The following MAST2 variants were observed in gnomAD, a reference collection of about 807,000 sequenced individuals.
The protein encoded by MAST2 is microtubule associated serine/threonine kinase 2, also known as microtubule-associated serine/threonine-protein kinase 2.
A neutral mutation model predicts 147.4 loss-of-function variants in MAST2; 70 were observed. The ratio of observed to expected loss-of-function variants is 0.47; its 90% CI spans 0.39 to 0.58. The LOEUF (loss-of-function observed/expected upper bound fraction) is 0.58, where lower values mean the gene tolerates loss of function less well. Among genes scored for constraint, MAST2 ranks in the 20% least tolerant of loss-of-function variants. MAST2 has a pLI of 0.00. For missense variants in MAST2, 2,080 were observed against 2,302.3 expected, an observed-to-expected ratio of 0.90 and a Z score of 1.98; for synonymous variants, 869 against 896.8, an observed-to-expected ratio of 0.97 and a Z score of 0.55.
rs1037477430 is a variant in MAST2 at position 46,016,856 on chromosome 1, C to T, written c.1189-2740C>T. On this transcript the variant is annotated intron_variant, in intron 10 of 28. Coordinates refer to ENST00000361297, the MANE Select transcript of MAST2 (RefSeq NM_015112.3). ...GTTCATATGGAACCAAAAAAGAGCC[C>T]GCATCGCCAAGTCAATCCTAAGCCA... 2.9e-3 allele frequency among the ~76,000 whole-genome samples: 435 copies of T among 152,150 alleles called. 1 individual carries two copies. The highest frequency in any genetic ancestry group is 4.5e-3 in the Admixed American group (69 of 15,282).
intron 3 of MAST2, among the ~76,000 whole-genome samples, chr1:45,837,252 G>T (rs144534891): frequency 6.6e-6 from 1 of 152,176 alleles, no homozygotes; most frequent in Non-Finnish European, 1.5e-5. Context: ...CCCCAAGTTC[G>T]CTTGTGTCCC....
At chr1:45,869,896 C>T (rs1354235323) in intron 3 of MAST2, among the ~76,000 whole-genome samples, 1 of 148,482 alleles carries the variant, frequency 6.7e-6, no homozygotes, top group Admixed American at 6.8e-5. Flanking sequence ...TTGAAGATCT[C>T]TGTTCCTGTG....
Position 46,035,382 on chromosome 1 carries a change from C to G in MAST2, c.4713C>G (p.Pro1571=), listed in dbSNP as rs55644621. ...TGACAGGGATCACACTGGGGCCTCC[C>G]AGAATGGAAAGTCCCAGTGGTCCCC... ...SLLTGITLGP[P]RMESPSGPHR... The change falls in exon 29 of 29, where the codon CCC becomes CCG. Residue 1571 remains proline (P), a synonymous_variant. Coordinates refer to ENST00000361297, the MANE Select transcript of MAST2 (RefSeq NM_015112.3). This position sits in a 1 kb window ranked among gnomAD's most constrained non-coding sequence, Gnocchi z 5.5. 675 of 1,612,710 alleles carry G rather than the reference C, an allele frequency of 4.2e-4. 6 individuals are homozygous for G. The East Asian group carries it at 0.011, about 26-fold the overall frequency.
intron 26 of MAST2, among the ~76,000 whole-genome samples, chr1:46,032,974 TACAAA>T (rs1557519565): frequency 2.8e-5 from 1 of 35,858 alleles, no homozygotes; most frequent in South Asian, 7.2e-4. Flanking sequence ...CTACTAAAAA[TACAAA>T]AAAAAAAAAA....
intron 5 of MAST2, among the ~76,000 whole-genome samples, chr1:45,960,809 C>G (rs774815711): frequency 2.6e-5 from 4 of 152,204 alleles, no homozygotes; most frequent in Non-Finnish European, 4.4e-5. Context: ...GCCATGGTCA[C>G]TGTTGTCCTA....
At chr1:45,940,165 G>T (rs1262246645) in intron 4 of MAST2, among the ~76,000 whole-genome samples, 1 of 151,102 alleles carries the variant, frequency 6.6e-6, no homozygotes, top group African/African-American at 2.4e-5. Flanking sequence ...GCTAATTTTT[G>T]TATTTTTAGT....
intron 2 of MAST2, among the ~76,000 whole-genome samples, chr1:45,828,604 G>A (rs962323277): frequency 6.6e-6 from 1 of 152,200 alleles, no homozygotes; most frequent in Admixed American, 6.5e-5. Context: ...AAGAAGGGGA[G>A]AAATGAGACC....
chr1:45,908,630 G>A (rs1031776200), intron 4 of MAST2, among the ~76,000 whole-genome samples: 5 of 152,018 alleles, frequency 3.3e-5, no homozygotes, highest in African/African-American at 1.2e-4. Flanking sequence ...TTCTGTTGTG[G>A]TTAGACAGCA....
chr1:45,996,074 G>GT (rs752972346), intron 5 of MAST2, among the ~76,000 whole-genome samples: 3 of 150,116 alleles, frequency 2.0e-5, no homozygotes, highest in Non-Finnish European at 3.0e-5. Context: ...TGTTTATTTA[G>GT]TTTTTTTGCT....
intron 4 of MAST2, among the ~76,000 whole-genome samples, chr1:45,929,747 T>G (rs2148702792): frequency 6.6e-6 from 1 of 152,290 alleles, no homozygotes; most frequent in East Asian, 1.9e-4. Context: ...CACAGAAGAA[T>G]TAATTTTCAT....
intron 16 of MAST2, among the ~76,000 whole-genome samples, chr1:46,026,813 A>C (rs1325404122): frequency 6.6e-6 from 1 of 152,176 alleles, no homozygotes; most frequent in Non-Finnish European, 1.5e-5. Context: ...TGGCTTTGAC[A>C]TAAGACAGAC....
chr1:45,890,121 G>C (rs1647498296), intron 4 of MAST2, among the ~76,000 whole-genome samples: 1 of 152,096 alleles, frequency 6.6e-6, no homozygotes, highest in African/African-American at 2.4e-5. Context: ...ACTTCCTTAT[G>C]AAAGGCGTTC....
chr1:45,900,195 A>AAAAAAAAAAAAAAAAAAAAAATT (rs1553226994), intron 4 of MAST2, among the ~76,000 whole-genome samples: 2 of 93,188 alleles, frequency 2.1e-5, no homozygotes, highest in African/African-American at 9.2e-5. Context: ...AAAAAAAAAA[A>AAAAAAAAAAAAAAAAAAAAAATT]GATTTACCCT....
intron 3 of MAST2, among the ~76,000 whole-genome samples, chr1:45,838,022 A>G (rs918022179): frequency 2.0e-5 from 3 of 151,568 alleles, no homozygotes; most frequent in Non-Finnish European, 3.0e-5. Flanking sequence ...CAGGGGATCC[A>G]CCCGCCTCAG....
chr1:45,925,922 G>A (rs370442119), intron 4 of MAST2, among the ~76,000 whole-genome samples: 3 of 152,298 alleles, frequency 2.0e-5, no homozygotes, highest in East Asian at 1.9e-4. Context: ...GTAGACTTGC[G>A]TGGCAAATGG....
At chr1:45,885,929 G>A (rs1170231527) in intron 4 of MAST2, among the ~76,000 whole-genome samples, 2 of 152,120 alleles carry the variant, frequency 1.3e-5, no homozygotes, top group East Asian at 1.9e-4. Context: ...AGGAGGATGT[G>A]TGTTTCTGTG....
At chr1:46,011,190 AC>A (rs1251152347) in intron 10 of MAST2, 12 of 500,486 alleles carry the variant, frequency 2.4e-5, no homozygotes, top group African/African-American at 9.6e-5. Context: ...TTGTTGTATT[AC>A]GCGAAGCTCC....
In MAST2 at chr1:46,027,297, G is replaced by A. The variant is rs529599699; in HGVS notation, c.1920-434G>A. 7.9e-5 allele frequency among the ~76,000 whole-genome samples: 12 copies of A among 152,284 alleles called. No individual in the cohort carries two copies. The South Asian group carries it at 2.3e-3, about 29-fold the overall frequency. On this transcript the variant is annotated intron_variant, in intron 16 of 28. Coordinates refer to ENST00000361297, the MANE Select transcript of MAST2 (RefSeq NM_015112.3). The stretch of plus-strand genomic sequence containing the variant: ...TCCTCCCAAGACCAGCCATGGACAT[G>A]GAACAAAATTATGTGTGCCCCCTGC...
chr1:45,819,978 A>G (rs370210093), intron 1 of MAST2, among the ~76,000 whole-genome samples: 3 of 152,340 alleles, frequency 2.0e-5, no homozygotes, highest in Admixed American at 1.3e-4. Flanking sequence ...ACAACATGGT[A>G]CTGACATAAA....
Sources: allele counts gnomAD v4.1 joint callset (sites outside exome capture counted in the v4.1 genomes callset), GRCh38; gene constraint gnomAD v4.1.1; non-coding constraint Gnocchi (gnomAD v3.1); transcripts MANE v1.5; gene names NCBI Gene and HGNC (gene_info 2026-07-23, HGNC 2026-07-21).